Variants in USP7 observed in about 807,000 individuals in gnomAD.
The protein encoded by USP7 is ubiquitin C-terminal hydrolase 7.
USP7 carries 9 observed loss-of-function variants against 162.9 expected under a neutral mutation model. The observed-to-expected ratio is 0.06, with a 90% confidence interval of 0.03 to 0.10. USP7 has a LOEUF of 0.10. USP7 is among the 10% of genes least tolerant of loss of function. The pLI is 1.00. For synonymous variants in USP7, 562 were observed against 475.9 expected (o/e 1.18, Z -2.35); for missense variants, 715 against 1,373.7 (o/e 0.52, Z 7.58).
intron 18 of USP7, 54 bp from the exon 19 acceptor site, chr16:8,901,288 T>TA (rs2061769641): frequency 2.5e-6 from 3 of 1,219,304 alleles, no homozygotes; most frequent in South Asian, 1.3e-5. Flanking sequence ...GCACAATGCT[T>TA]AAAAAACAAA....
At chr16:8,905,390 TAGA>T in intron 13 of USP7, 59 bp from the exon 14 acceptor site, 1 of 1,591,886 alleles carries the variant, frequency 6.3e-7, no homozygotes, top group Non-Finnish European at 8.6e-7. Context: ...TACCCAACAC[TAGA>T]AGGCAGCGTT....
chr16:8,952,797 T>C (rs1899616698), intron 1 of USP7, among the ~76,000 whole-genome samples: 1 of 151,446 alleles, frequency 6.6e-6, no homozygotes, highest in South Asian at 2.1e-4. Context: ...GTTCCCAAAC[T>C]CATCCTGCTA....
chr16:8,956,655 C>G (rs1218214392), intron 1 of USP7, among the ~76,000 whole-genome samples: 2 of 151,856 alleles, frequency 1.3e-5, no homozygotes, highest in Non-Finnish European at 2.9e-5. Context: ...TCCAGCTACT[C>G]GGGAGGCTGA....
rs977162015 is a variant in USP7 at position 8,893,434 on chromosome 16, A to G, written c.*564T>C. On this transcript the variant is annotated 3_prime_UTR_variant, in exon 31 of 31. Transcript: ENST00000344836. ...CTGACGAGGTGAGACAAGTTTATTA[A>G]AAAGCCCCCAGGCAGCTGGAGGAGG... 10 of 154,240 alleles carry G rather than the reference A, an allele frequency of 6.5e-5. No individual in the cohort carries two copies. Among genetic ancestry groups the G allele is most frequent in the African/African-American group, 2.2e-4 (9 of 41,462 alleles). The allele number at this position is 154,240 out of a possible 1,614,324, so 9.6% of individuals were successfully genotyped here. A position where few individuals can be genotyped will look rare whatever the true frequency, so the allele number is the denominator to read the frequency against.
chr16:8,928,433 C>T (rs1898134154), intron 2 of USP7, among the ~76,000 whole-genome samples: 1 of 152,216 alleles, frequency 6.6e-6, no homozygotes, highest in Non-Finnish European at 1.5e-5. Context: ...GATATGACAA[C>T]CCTGAGACAT....
intron 2 of USP7, among the ~76,000 whole-genome samples, chr16:8,925,269 G>A (rs574545333): frequency 6.6e-6 from 1 of 152,256 alleles, no homozygotes; most frequent in East Asian, 1.9e-4. Flanking sequence ...TTCCACTCCT[G>A]GAAGTTACCA....
intron 11 of USP7, 91 bp downstream of exon 11, chr16:8,910,654 A>C (rs1312276734): frequency 8.5e-7 from 1 of 1,174,100 alleles, no homozygotes; most frequent in African/African-American, 1.6e-5. Flanking sequence ...ACACATGAAA[A>C]GGCACAAGCA....
At chr16:8,948,005 G>A (rs1405329316) in intron 1 of USP7, among the ~76,000 whole-genome samples, 1 of 152,082 alleles carries the variant, frequency 6.6e-6, no homozygotes, top group African/African-American at 2.4e-5. Context: ...AGGCACTTTG[G>A]AGCGCAGCAC....
intron 29 of USP7, 43 bp downstream of exon 29, chr16:8,894,741 A>T: frequency 6.2e-7 from 1 of 1,613,948 alleles, no homozygotes; most frequent in Non-Finnish European, 8.5e-7. Context: ...GCAAGGCTTG[A>T]GCCTATGGCC....
At chr16:8,910,623 T>TTATA in intron 11 of USP7, 122 bp downstream of exon 11, 1 of 833,516 alleles carries the variant, frequency 1.2e-6, no homozygotes, top group Non-Finnish European at 1.9e-6. Context: ...ACAGAATCCT[T>TTATA]GTATATTCTA....
At position 8,901,151 on chromosome 16, in the gene USP7, A is replaced by G. The variant is rs2061768029; in HGVS notation, c.2131T>C (p.Cys711Arg). ...TGCACGAAGGACTTACGTATTTTAC[A>G]GGATATTGGTGTGTAGATATGCCCA... is the stretch of plus-strand genomic sequence containing the variant. ...YCGHIYTPIS[C>R]KIRDLLPVMC... The change falls in exon 19 of 31, where the codon TGT becomes CGT. Residue 711 changes from cysteine to arginine, a missense_variant. This residue lies in a region of USP7 where 197 missense variants were observed against 306.5 expected (regional missense o/e 0.64). Coordinates refer to ENST00000344836, the MANE Select transcript of USP7 (RefSeq NM_003470.3). 1 of 1,613,976 alleles carries G rather than the reference A, an allele frequency of 6.2e-7. No homozygotes were observed. Among genetic ancestry groups the G allele is most frequent in the Non-Finnish European group, 8.5e-7 (1 of 1,179,840 alleles).
chr16:8,905,160 A>T (rs1343677773), intron 14 of USP7, 27 bp downstream of exon 14: 1 of 1,607,918 alleles, frequency 6.2e-7, no homozygotes, highest in South Asian at 1.1e-5. Context: ...CACAGTAAAG[A>T]ACAGAACAAA....
intron 1 of USP7, chr16:8,935,582 T>C (rs964914621): frequency 6.6e-6 from 1 of 152,230 alleles, no homozygotes; most frequent in Admixed American, 6.5e-5. Flanking sequence ...CAAGTGACTA[T>C]GTGCAATGTC....
chr16:8,931,340 C>T (rs1898325201), intron 1 of USP7, among the ~76,000 whole-genome samples: 1 of 152,156 alleles, frequency 6.6e-6, no homozygotes, highest in African/African-American at 2.4e-5. Flanking sequence ...AAGCATGTGC[C>T]ACCACGCCCA....
At chr16:8,921,073 A>T (rs1367581390) in intron 4 of USP7, 84 bp downstream of exon 4, 1 of 1,456,390 alleles carries the variant, frequency 6.9e-7, no homozygotes, top group Non-Finnish European at 9.3e-7. Flanking sequence ...TCTAAAATCA[A>T]TAAAGGACTT....
intron 1 of USP7, among the ~76,000 whole-genome samples, chr16:8,956,890 A>G (rs1190550504): frequency 6.6e-6 from 1 of 152,156 alleles, no homozygotes; most frequent in East Asian, 1.9e-4. Context: ...GCGCAGCCTC[A>G]GCCATGCCCA....
At chr16:8,899,035 A>T in intron 23 of USP7, 86 bp downstream of exon 23, 1 of 1,407,606 alleles carries the variant, frequency 7.1e-7, no homozygotes, top group South Asian at 1.2e-5. Flanking sequence ...TGGCGAGCTA[A>T]TTATTAAAAT....
chr16:8,894,728 T>C lies in USP7; in HGVS notation c.3111+56A>G, dbSNP rs535095848. ...GGCAAAAAAGCCTAGGCCGCTACGC[T>C]AGGCAAGGCTTGAGCCTATGGCCCG... On this transcript the variant is annotated intron_variant, in intron 29 of 30. Coordinates refer to ENST00000344836, the MANE Select transcript of USP7 (RefSeq NM_003470.3). 10 of 1,613,168 alleles carry C rather than the reference T, an allele frequency of 6.2e-6. No individual in the cohort carries two copies. The South Asian group carries it at 9.9e-5, about 16-fold the overall frequency.
intron 1 of USP7, among the ~76,000 whole-genome samples, chr16:8,940,229 G>A (rs1898972933): frequency 6.6e-6 from 1 of 152,172 alleles, no homozygotes; most frequent in Admixed American, 6.5e-5. Context: ...CAGGTCACCT[G>A]TCTAGGCATC....
Sources: gnomAD v4.1 joint callset for allele counts (sites outside exome capture counted in the v4.1 genomes callset) on GRCh38, gnomAD v4.1.1 for gene constraint, gnomAD v4.1.1 regional missense constraint, MANE v1.5 for transcripts, NCBI Gene and HGNC (gene_info 2026-07-23, HGNC 2026-07-21) for gene names.